AGBL1: variants seen among roughly 807,000 people sequenced by gnomAD.
AGBL1 encodes cytosolic carboxypeptidase 4.
AGBL1 carries 130 observed loss-of-function variants against 118.9 expected under a neutral mutation model. That is an observed-to-expected ratio of 1.09 (90% CI 0.95 to 1.26). The LOEUF (loss-of-function observed/expected upper bound fraction) is 1.26, where lower values mean the gene tolerates loss of function less well. Ranked by LOEUF, AGBL1 falls within the 50% of genes most tolerant of loss-of-function variation. The pLI is 0.00. For missense variants in AGBL1, 1,584 were observed against 1,298.1 expected, an observed-to-expected ratio of 1.22 and a Z score of -3.38; for synonymous variants, 555 against 478.9, an observed-to-expected ratio of 1.16 and a Z score of -2.08.
chr15:86,987,962 CCACT>C, intron 23 of AGBL1: 1 of 1,609,524 alleles, frequency 6.2e-7, no homozygotes, highest in Non-Finnish European at 8.5e-7. Context: ...CCAATCTGTA[CCACT>C]CATTTATCTG....
chr15:86,210,074 A>G (rs12914319), intron 5 of AGBL1, among the ~76,000 whole-genome samples: 33,648 of 152,016 alleles, frequency 0.22, 4,183 homozygotes, highest in South Asian at 0.32. Context: ...TCACTTATGA[A>G]GCTTAGTTTG....
Position 86,491,723 on chromosome 15 carries a change from C to T in AGBL1, c.2556-31087C>T, listed in dbSNP as rs926885454. 2.0e-5 allele frequency among the ~76,000 whole-genome samples: 3 copies of T among 151,828 alleles called. No individual in the cohort carries two copies. In the East Asian group the frequency reaches 5.8e-4, roughly 29 times the overall value. On this transcript the variant is annotated intron_variant, in intron 18 of 22. Transcript: ENST00000614907. ...GGATATGTTTAAACTGATGATTAAACAAGCCATTATGAGTAAAAGCATTGC... is the reference window on the plus strand; with the variant it reads ...GGATATGTTTAAACTGATGATTAAATAAGCCATTATGAGTAAAAGCATTGC...
intron 16 of AGBL1, among the ~76,000 whole-genome samples, chr15:86,284,057 A>C (rs1202429276): frequency 1.3e-5 from 2 of 151,970 alleles, no homozygotes; most frequent in African/African-American, 4.8e-5. Context: ...GTTTTAGCAA[A>C]GTGTCTACAT....
intron 18 of AGBL1, among the ~76,000 whole-genome samples, chr15:86,499,632 A>G (rs1447581767): frequency 6.6e-6 from 1 of 151,956 alleles, no homozygotes; most frequent in African/African-American, 2.4e-5. Flanking sequence ...TGCATCCTCT[A>G]CTAATTAGTA....
intron 24 of AGBL1, among the ~76,000 whole-genome samples, chr15:86,996,223 A>G (rs956143323): frequency 6.6e-6 from 1 of 152,110 alleles, no homozygotes; most frequent in South Asian, 2.1e-4. Flanking sequence ...CTATAACTTG[A>G]TTAATTTTTG....
chr15:86,321,132 T>C (rs967811126), intron 17 of AGBL1, among the ~76,000 whole-genome samples: 17 of 152,182 alleles, frequency 1.1e-4, no homozygotes. Context: ...ATAATACTCT[T>C]TTATTTTTAA....
chr15:86,248,168 T>G (rs1320400875), intron 7 of AGBL1, among the ~76,000 whole-genome samples: 1 of 152,052 alleles, frequency 6.6e-6, no homozygotes, highest in Non-Finnish European at 1.5e-5. Flanking sequence ...AATACAAAAA[T>G]TAGCTGGGTG....
chr15:86,303,387 T>C (rs2141804813), intron 17 of AGBL1, among the ~76,000 whole-genome samples: 1 of 152,182 alleles, frequency 6.6e-6, no homozygotes, highest in Non-Finnish European at 1.5e-5. Flanking sequence ...GTCTCAGAAG[T>C]GAGACATCCT....
chr15:86,565,965 C>G (rs2083907299), intron 21 of AGBL1, among the ~76,000 whole-genome samples: 1 of 152,200 alleles, frequency 6.6e-6, no homozygotes. Flanking sequence ...GTGCCATTTG[C>G]TAAGACATTG....
chr15:86,847,358 AGATAATGCATTGTGCTAACCCT>A (rs1255300928), intron 22 of AGBL1, among the ~76,000 whole-genome samples: 2 of 152,210 alleles, frequency 1.3e-5, no homozygotes, highest in Non-Finnish European at 2.9e-5. Context: ...GGAAAATTGT[AGATAATGCATTGTGCTAACCCT>A]GAATTCTGAT....
intron 18 of AGBL1, among the ~76,000 whole-genome samples, chr15:86,459,804 C>T (rs748927494): frequency 2.6e-5 from 4 of 152,080 alleles, no homozygotes; most frequent in Non-Finnish European, 4.4e-5. Flanking sequence ...CCTTTGAAAT[C>T]GATGCAGGCA....
At position 86,718,335 on chromosome 15, in the gene AGBL1, C is replaced by T. The variant is rs143902128; in HGVS notation, c.3158+43899C>T. Among the ~76,000 whole-genome samples, 423 of 152,128 alleles carry T rather than the reference C, an allele frequency of 2.8e-3. 1 individual carries two copies. The highest frequency in any genetic ancestry group is 9.6e-3 in the African/African-American group (397 of 41,506). ...TTCTCACTCATAGGTGGGAATTGAA[C>T]AAGGAGAACACTTGGACACAGGGTG... On this transcript the variant is annotated intron_variant, in intron 22 of 22. Transcript: ENST00000614907.
chr15:86,336,055 T>C (rs2141872355), intron 17 of AGBL1, among the ~76,000 whole-genome samples: 1 of 152,310 alleles, frequency 6.6e-6, no homozygotes, highest in Non-Finnish European at 1.5e-5. Flanking sequence ...AGCATGAAGT[T>C]AGCTTCCTGT....
intron 5 of AGBL1, among the ~76,000 whole-genome samples, chr15:86,216,767 A>G (rs528233477): frequency 2.6e-5 from 4 of 152,282 alleles, no homozygotes; most frequent in Non-Finnish European, 2.9e-5. Flanking sequence ...ATGCTAAATC[A>G]TTGCTCAAAA....
At chr15:86,830,589 A>G (rs969694770) in intron 22 of AGBL1, among the ~76,000 whole-genome samples, 10 of 152,130 alleles carry the variant, frequency 6.6e-5, no homozygotes, top group African/African-American at 2.2e-4. Context: ...CAACAGCATA[A>G]GTTCTCCCTG....
rs1257536739 is a variant in AGBL1, at chr15:86,674,634, A to T, written c.3158+198A>T. Among the ~76,000 whole-genome samples the T allele has an allele frequency of 5.3e-5, 8 of 152,190 alleles. No individual in the cohort carries two copies. The East Asian group carries it at 1.4e-3, about 26-fold the overall frequency. ...CTGCCTGTTTGTACACATATATGCA[A>T]ATATAAAACTATATGTATTTATACA... On this transcript the variant is annotated intron_variant, in intron 22 of 22. Transcript: ENST00000614907.
chr15:86,401,539 A>C (rs1488995069), intron 18 of AGBL1, among the ~76,000 whole-genome samples: 3 of 152,132 alleles, frequency 2.0e-5, no homozygotes, highest in Non-Finnish European at 4.4e-5. Context: ...CAATGCCTAG[A>C]AGAGTTGTTA....
chr15:86,432,610 T>C (rs1489337043), intron 18 of AGBL1, among the ~76,000 whole-genome samples: 2 of 152,216 alleles, frequency 1.3e-5, no homozygotes, highest in African/African-American at 2.4e-5. Flanking sequence ...ATTGTAGAGT[T>C]ACTCTTTTTC....
chr15:86,809,393 C>T (rs182698289), intron 22 of AGBL1, among the ~76,000 whole-genome samples: 39 of 152,280 alleles, frequency 2.6e-4, no homozygotes, highest in Non-Finnish European at 4.4e-4. Flanking sequence ...CTCAAAAAGC[C>T]ATTTCCACTC....
Sources: allele counts gnomAD v4.1 joint callset (sites outside exome capture counted in the v4.1 genomes callset), GRCh38; gene constraint gnomAD v4.1.1; transcripts MANE v1.5; gene names NCBI Gene and HGNC (gene_info 2026-07-23, HGNC 2026-07-21).